The following SNX14 variants were observed in gnomAD, a reference collection of about 807,000 sequenced individuals.
The protein encoded by SNX14 is sorting nexin 14, also known as sorting nexin-14.
SNX14 carries 93 observed loss-of-function variants against 133.8 expected under a neutral mutation model. That is an observed-to-expected ratio of 0.70 (90% CI 0.59 to 0.83). The LOEUF (loss-of-function observed/expected upper bound fraction) is 0.83, where lower values mean the gene tolerates loss of function less well. Among genes scored for constraint, SNX14 ranks in the 40% least tolerant of loss-of-function variants. The pLI is 0.00. For missense variants in SNX14, 945 were observed against 1,094.9 expected, an observed-to-expected ratio of 0.86 and a Z score of 1.93; for synonymous variants, 368 against 365.6, an observed-to-expected ratio of 1.01 and a Z score of -0.07.
At chr6:85,563,455 G>A (rs1030167259) in intron 6 of SNX14, among the ~76,000 whole-genome samples, 4 of 152,220 alleles carry the variant, frequency 2.6e-5, no homozygotes, top group South Asian at 2.1e-4. Flanking sequence ...GCAATGGCAC[G>A]ATCTCGGCTC....
At chr6:85,522,333 C>G (rs967581410) in intron 21 of SNX14, among the ~76,000 whole-genome samples, 1 of 152,134 alleles carries the variant, frequency 6.6e-6, no homozygotes, top group African/African-American at 2.4e-5. Flanking sequence ...CAACCTTGTT[C>G]TTCTTCTAAA....
In SNX14 at chr6:85,509,032, T is replaced by C. The variant is rs150555806; in HGVS notation, c.2654-973A>G. Among the ~76,000 whole-genome samples, 901 of 152,298 alleles carry C rather than the reference T, an allele frequency of 5.9e-3. 4 individuals are homozygous for C. Among genetic ancestry groups the C allele is most frequent in the Non-Finnish European group, 9.6e-3 (656 of 68,006 alleles). ...CTTTGTTAATCCTCAAACTCACCAA[T>C]ACTACATGGAATTTCCCAATTAATA... On this transcript the variant is annotated intron_variant, in intron 26 of 28. Coordinates refer to ENST00000314673, the MANE Select transcript of SNX14 (RefSeq NM_153816.6).
chr6:85,510,288 C>T (rs1183363882), intron 26 of SNX14, among the ~76,000 whole-genome samples: 3 of 152,194 alleles, frequency 2.0e-5, no homozygotes, highest in South Asian at 2.1e-4. Context: ...TGTTCACCAG[C>T]AAATGGTGGT....
At chr6:85,524,536 C>T (rs1035224196) in intron 21 of SNX14, among the ~76,000 whole-genome samples, 1 of 152,082 alleles carries the variant, frequency 6.6e-6, no homozygotes, top group African/African-American at 2.4e-5. Context: ...AATCTCAGCA[C>T]TTTGGGAGGC....
At position 85,527,820 on chromosome 6, in the gene SNX14, A is replaced by G. The variant is rs368754886; in HGVS notation, c.1995+442T>C. On this transcript the variant is annotated intron_variant, in intron 20 of 28. Coordinates refer to ENST00000314673, the MANE Select transcript of SNX14 (RefSeq NM_153816.6). The stretch of plus-strand genomic sequence containing the variant: ...AAATTGGAAAAATATCTATAAACCC[A>G]AAAGAAAAGGGACTGAGGAATAACA... Among the ~76,000 whole-genome samples the G allele has an allele frequency of 2.8e-4, 42 of 152,272 alleles. No homozygotes were observed. The East Asian group carries it at 6.7e-3, about 24-fold the overall frequency.
intron 17 of SNX14, among the ~76,000 whole-genome samples, 161 bp downstream of exon 17, chr6:85,536,631 G>T (rs577919601): frequency 6.6e-6 from 1 of 152,124 alleles, no homozygotes; most frequent in South Asian, 2.1e-4. Context: ...ACTAATGAAA[G>T]AATGAGAAAT....
chr6:85,560,106 G>A (rs760961881), intron 6 of SNX14, among the ~76,000 whole-genome samples: 20 of 152,200 alleles, frequency 1.3e-4, no homozygotes, highest in Middle Eastern at 3.4e-3. Flanking sequence ...TAGACATAGA[G>A]TTTTTGATCC....
chr6:85,536,724 T>C (rs1582728002), intron 17 of SNX14, 68 bp downstream of exon 17: 2 of 1,465,284 alleles, frequency 1.4e-6, no homozygotes, highest in East Asian at 4.8e-5. Flanking sequence ...AAATAATGAG[T>C]ATATCTAATT....
chr6:85,557,973 T>C lies in SNX14; in HGVS notation c.634+3A>G. On this transcript the variant is annotated splice_donor_region_variant and intron_variant, in intron 7 of 28. Transcript: ENST00000314673. ...CTCAAACTGTAGTAGAAAACTGTAT[T>C]ACCTTTCTGTCTGGCTTTAACTATC... The C allele has an allele frequency of 6.4e-7, 1 of 1,556,770 alleles. No individual in the cohort carries two copies. Among genetic ancestry groups the C allele is most frequent in the Non-Finnish European group, 8.8e-7 (1 of 1,135,278 alleles).
rs758728150 is a variant in SNX14, at chr6:85,522,012, T to C, written c.2108-3964A>G. On this transcript the variant is annotated intron_variant, in intron 21 of 28. Transcript: ENST00000314673. ...ATTGAAACAGGTGTCCTTTCCCCCA[T>C]GTAGGTTCTTGACACCTCTGTCAAA... Among the ~76,000 whole-genome samples the C allele has an allele frequency of 7.9e-5, 12 of 152,226 alleles. No homozygotes were observed. The South Asian group carries it at 1.4e-3, about 18-fold the overall frequency.
intron 2 of SNX14, among the ~76,000 whole-genome samples, chr6:85,573,690 C>A (rs984713870): frequency 6.6e-6 from 1 of 152,126 alleles, no homozygotes; most frequent in Non-Finnish European, 1.5e-5. Flanking sequence ...TCATTTAACC[C>A]AGAACTTCCT....
intron 15 of SNX14, 55 bp downstream of exon 15, chr6:85,541,912 AGCTAATAAAGACAATGAT>A: frequency 9.0e-7 from 1 of 1,115,244 alleles, no homozygotes; most frequent in South Asian, 1.6e-5. Flanking sequence ...TCAGAAAAAT[AGCTAATAAAGACAATGAT>A]GCTATCATAG....
At chr6:85,572,685 A>G (rs1190786973) in intron 2 of SNX14, among the ~76,000 whole-genome samples, 8 of 152,240 alleles carry the variant, frequency 5.3e-5, no homozygotes, top group Non-Finnish European at 1.2e-4. Context: ...GGCCAAGCAC[A>G]GTGGCTCACA....
chr6:85,511,553 C>T (rs971844953), intron 26 of SNX14, among the ~76,000 whole-genome samples: 3 of 152,156 alleles, frequency 2.0e-5, no homozygotes, highest in African/African-American at 7.2e-5. Flanking sequence ...TGTAGATATT[C>T]TTTATCAAGT....
At chr6:85,528,730 T>C (rs1161271295) in intron 19 of SNX14, among the ~76,000 whole-genome samples, 2 of 152,166 alleles carry the variant, frequency 1.3e-5, no homozygotes, top group Non-Finnish European at 2.9e-5. Context: ...GGAAAAAAGA[T>C]AGCATCTTGT....
At chr6:85,578,874 G>T (rs112167047) in intron 1 of SNX14, among the ~76,000 whole-genome samples, 1 of 152,090 alleles carries the variant, frequency 6.6e-6, no homozygotes, top group Non-Finnish European at 1.5e-5. Flanking sequence ...AGTGGGTCAC[G>T]CCTGTAATCT....
At position 85,565,430 on chromosome 6, in the gene SNX14, G is replaced by C. The variant is rs371072696; in HGVS notation, c.462-11C>G. 5.1e-6 allele frequency: 8 copies of C among 1,557,406 alleles called. No homozygotes were observed. The African/African-American group carries it at 1.1e-4, about 21-fold the overall frequency. On this transcript the variant is annotated splice_polypyrimidine_tract_variant and intron_variant, in intron 5 of 28. Transcript: ENST00000314673. The stretch of plus-strand genomic sequence containing the variant: ...TCATCTGTCACATCCCTTCAATAAG[G>C]AGAAAAACAAATATTCAGAAGTTCA...
chr6:85,525,329 C>A (rs1778193395), intron 21 of SNX14, among the ~76,000 whole-genome samples: 1 of 152,054 alleles, frequency 6.6e-6, no homozygotes, highest in South Asian at 2.1e-4. Context: ...AATCTACTAA[C>A]TGCAAAATGG....
At chr6:85,568,369 G>T (rs968639160) in intron 4 of SNX14, 4 of 152,200 alleles carry the variant, frequency 2.6e-5, no homozygotes, top group Non-Finnish European at 5.9e-5. Context: ...ACCTCTGAAG[G>T]GAGTATAGTG....
Sources: gnomAD v4.1 joint callset for allele counts (sites outside exome capture counted in the v4.1 genomes callset) on GRCh38, gnomAD v4.1.1 for gene constraint, MANE v1.5 for transcripts, NCBI Gene and HGNC (gene_info 2026-07-23, HGNC 2026-07-21) for gene names.